Variants in GLIS3 observed in about 807,000 individuals in gnomAD.
GLIS3 encodes zinc finger protein GLIS3.
In GLIS3, 53 loss-of-function variants were observed where a neutral mutation model predicts 78.6. The observed-to-expected ratio is 0.67, with a 90% confidence interval of 0.54 to 0.85. The LOEUF is 0.85. Among genes scored for constraint, GLIS3 ranks in the 40% least tolerant of loss-of-function variants. GLIS3 has a pLI of 0.00. For missense variants in GLIS3, 1,703 were observed against 1,231.1 expected (o/e 1.38, Z -5.74); for synonymous variants, 684 against 509.9 (o/e 1.34, Z -4.60).
intron 2 of GLIS3, among the ~76,000 whole-genome samples, chr9:4,320,088 C>G (rs1387630692): frequency 6.6e-6 from 1 of 151,888 alleles, no homozygotes; most frequent in Non-Finnish European, 1.5e-5. Context: ...TTTTCAGCTT[C>G]TTTTGAAAAA....
At chr9:4,259,454 G>C (rs1350756269) in intron 2 of GLIS3, among the ~76,000 whole-genome samples, 1 of 152,000 alleles carries the variant, frequency 6.6e-6, no homozygotes, top group Non-Finnish European at 1.5e-5. Flanking sequence ...GAAAATACAA[G>C]GAAGTTAGGG....
chr9:4,179,520 T>A (rs1316207024), intron 2 of GLIS3, among the ~76,000 whole-genome samples: 1 of 152,178 alleles, frequency 6.6e-6, no homozygotes, highest in African/African-American at 2.4e-5. Flanking sequence ...ATACATTATT[T>A]GGAAACACTA....
intron 4 of GLIS3, among the ~76,000 whole-genome samples, chr9:4,003,623 T>A (rs1404798710): frequency 6.6e-6 from 1 of 152,186 alleles, no homozygotes; most frequent in Non-Finnish European, 1.5e-5. Context: ...TCTCTAAGTC[T>A]CTCCATCACC....
At chr9:4,096,948 G>A (rs1374837181) in intron 4 of GLIS3, among the ~76,000 whole-genome samples, 1 of 152,162 alleles carries the variant, frequency 6.6e-6, no homozygotes. Flanking sequence ...GGAGGCAGAG[G>A]TGGCAGTGAG....
chr9:4,352,093 T>G (rs1817978757), upstream of GLIS3, among the ~76,000 whole-genome samples: 1 of 152,230 alleles, frequency 6.6e-6, no homozygotes, highest in Non-Finnish European at 1.5e-5. Context: ...GAAGACAGAC[T>G]CACAACTACG....
intron 2 of GLIS3, among the ~76,000 whole-genome samples, chr9:4,339,121 T>C (rs946772218): frequency 6.6e-6 from 1 of 152,200 alleles, no homozygotes; most frequent in Non-Finnish European, 1.5e-5. Context: ...GAGGATAAAC[T>C]CAACACCTCA....
chr9:4,483,889 T>C, the GLIS3 span, among the ~76,000 whole-genome samples: 1 of 152,150 alleles, frequency 6.6e-6, no homozygotes, highest in Non-Finnish European at 1.5e-5. Context: ...TGATAAGCCA[T>C]CATATCTCAT....
At chr9:4,231,036 C>T (rs1420887229) in intron 2 of GLIS3, among the ~76,000 whole-genome samples, 12 of 152,078 alleles carry the variant, frequency 7.9e-5, no homozygotes, top group Admixed American at 7.9e-4. Context: ...TGTGACACTG[C>T]ACTCCAGCCT....
rs112782792 is a variant in GLIS3, at chr9:3,858,559, T to C, written c.2298-2375A>G. On this transcript the variant is annotated intron_variant, in intron 8 of 10. Coordinates refer to ENST00000381971, the MANE Select transcript of GLIS3 (RefSeq NM_001042413.2). ...CTAATTCAGGCTGAATTTTCCTCTA[T>C]GTTAGTCAAATAAATGAATTTATAC... Among the ~76,000 whole-genome samples, 15 of 152,280 alleles carry C rather than the reference T, an allele frequency of 9.9e-5. 1 individual carries two copies. Among genetic ancestry groups the C allele is most frequent in the African/African-American group, 3.6e-4 (15 of 41,576 alleles).
At chr9:3,980,603 G>A (rs1290586835) in intron 4 of GLIS3, among the ~76,000 whole-genome samples, 1 of 152,216 alleles carries the variant, frequency 6.6e-6, no homozygotes, top group Non-Finnish European at 1.5e-5. Flanking sequence ...CACTGTAAGA[G>A]TTCATTGATT....
chr9:4,452,862 C>G, the GLIS3 span, among the ~76,000 whole-genome samples: 1 of 152,100 alleles, frequency 6.6e-6, no homozygotes, highest in African/African-American at 2.4e-5. Context: ...CGAGACAACC[C>G]TAAGCAAAAA....
intron 4 of GLIS3, among the ~76,000 whole-genome samples, chr9:4,105,778 T>A (rs1042543638): frequency 1.3e-5 from 2 of 152,156 alleles, no homozygotes; most frequent in Non-Finnish European, 2.9e-5. Flanking sequence ...CTTGACTGAT[T>A]CCACCATAAA....
chr9:4,016,861 T>C (rs981778471), intron 4 of GLIS3, among the ~76,000 whole-genome samples: 1 of 152,194 alleles, frequency 6.6e-6, no homozygotes, highest in Non-Finnish European at 1.5e-5. Context: ...GATCAGATGA[T>C]AACTAAAGTG....
At chr9:4,401,660 T>C in the GLIS3 span, among the ~76,000 whole-genome samples, 1 of 151,154 alleles carries the variant, frequency 6.6e-6, no homozygotes, top group African/African-American at 2.4e-5. Flanking sequence ...CTCTGCCTCC[T>C]GGGTTCAAGC....
chr9:4,385,181 G>A, the GLIS3 span, among the ~76,000 whole-genome samples: 3 of 152,178 alleles, frequency 2.0e-5, no homozygotes, highest in African/African-American at 4.8e-5. Context: ...TGTGCCTGCA[G>A]GACTGTTTCT....
chr9:4,090,177 T>A (rs12685064), intron 4 of GLIS3, among the ~76,000 whole-genome samples: 3,830 of 152,188 alleles, frequency 0.025, 284 homozygotes, highest in East Asian at 0.21. Flanking sequence ...GTGACTGGCA[T>A]TGCCCCTTCC....
intron 9 of GLIS3, among the ~76,000 whole-genome samples, chr9:3,842,564 G>A (rs964192114): frequency 1.3e-5 from 2 of 152,122 alleles, no homozygotes; most frequent in Non-Finnish European, 2.9e-5. Flanking sequence ...GGTTATCTCC[G>A]ACTGGGGAGC....
At chr9:3,985,687 TA>T (rs1819685552) in intron 4 of GLIS3, among the ~76,000 whole-genome samples, 1 of 152,196 alleles carries the variant, frequency 6.6e-6, no homozygotes, top group African/African-American at 2.4e-5. Flanking sequence ...TTTCAAGTAA[TA>T]AAAAATTTTA....
the GLIS3 span, among the ~76,000 whole-genome samples, chr9:4,487,124 C>T: frequency 2.6e-5 from 4 of 152,130 alleles, no homozygotes; most frequent in Non-Finnish European, 4.4e-5. Context: ...CTCAGCCTCT[C>T]GAGTAGCTGG....
Sources: allele counts gnomAD v4.1 joint callset (sites outside exome capture counted in the v4.1 genomes callset), GRCh38; gene constraint gnomAD v4.1.1; transcripts MANE v1.5; gene names NCBI Gene and HGNC (gene_info 2026-07-23, HGNC 2026-07-21).